Variants in TEAD1 observed in about 807,000 individuals in gnomAD.
TEAD1 encodes TEA domain transcription factor 1, also known as transcriptional enhancer factor TEF-1.
A neutral mutation model predicts 54.9 loss-of-function variants in TEAD1; 9 were observed. That is an observed-to-expected ratio of 0.16 (90% CI 0.10 to 0.29). The LOEUF (loss-of-function observed/expected upper bound fraction) is 0.29, where lower values mean the gene tolerates loss of function less well. TEAD1 is among the 10% of genes least tolerant of loss of function. TEAD1 has a pLI of 1.00. For synonymous variants in TEAD1, 200 were observed against 187.8 expected, an observed-to-expected ratio of 1.07 and a Z score of -0.53; for missense variants, 387 against 535.9, an observed-to-expected ratio of 0.72 and a Z score of 2.74.
chr11:12,835,376 T>A (rs1489094378), intron 3 of TEAD1, among the ~76,000 whole-genome samples: 2 of 152,134 alleles, frequency 1.3e-5, no homozygotes, highest in African/African-American at 4.8e-5. Flanking sequence ...GGAGTGTTGC[T>A]CCGTCACCCA....
intron 3 of TEAD1, among the ~76,000 whole-genome samples, chr11:12,795,294 T>C (rs907627370): frequency 2.0e-5 from 3 of 152,210 alleles, no homozygotes; most frequent in African/African-American, 7.2e-5. Context: ...AATTGTCATA[T>C]TGAACTAAGG....
chr11:12,690,784 C>G (rs956686713), intron 2 of TEAD1, among the ~76,000 whole-genome samples: 9 of 152,198 alleles, frequency 5.9e-5, no homozygotes, highest in African/African-American at 2.2e-4. Context: ...AGACAGGTCT[C>G]ACTCACTGTG....
chr11:12,934,770 C>T (rs1344115347), intron 12 of TEAD1, among the ~76,000 whole-genome samples: 1 of 152,054 alleles, frequency 6.6e-6, no homozygotes, highest in Non-Finnish European at 1.5e-5. Context: ...TTCAGCTAAG[C>T]TGTGAGAGAT....
At chr11:12,891,638 G>T (rs1468288103) in intron 9 of TEAD1, among the ~76,000 whole-genome samples, 2 of 152,176 alleles carry the variant, frequency 1.3e-5, no homozygotes, top group Admixed American at 6.5e-5. Context: ...CTCAAAATAA[G>T]CTTGTTGAAA....
chr11:12,698,238 C>T (rs758015937), intron 2 of TEAD1, among the ~76,000 whole-genome samples: 1 of 152,016 alleles, frequency 6.6e-6, no homozygotes. Flanking sequence ...GGAGCCTTGC[C>T]GTGAAGCCAT....
At position 12,808,484 on chromosome 11, in the gene TEAD1, T is replaced by C. The variant is rs548034455; in HGVS notation, c.202+44050T>C. Among the ~76,000 whole-genome samples the C allele has an allele frequency of 5.8e-4, 89 of 152,236 alleles. 1 individual carries two copies. The highest frequency in any genetic ancestry group is 2.1e-3 in the African/African-American group (88 of 41,550). Reference sequence around the variant, plus strand: ...TCTTCGCTAAGCCTCAGTTTTTTTGTTTTTGTTTTTTTCCCTTGCAAAAAT... The same window carrying C: ...TCTTCGCTAAGCCTCAGTTTTTTTGCTTTTGTTTTTTTCCCTTGCAAAAAT... On this transcript the variant is annotated intron_variant, in intron 3 of 12. Coordinates refer to ENST00000527636, the MANE Select transcript of TEAD1 (RefSeq NM_021961.6).
intron 2 of TEAD1, among the ~76,000 whole-genome samples, chr11:12,735,991 A>G (rs755264147): frequency 5.9e-5 from 9 of 152,230 alleles, no homozygotes; most frequent in Non-Finnish European, 1.3e-4. Flanking sequence ...GAACTAGTAC[A>G]TAATAGGCCA....
intron 10 of TEAD1, among the ~76,000 whole-genome samples, chr11:12,920,116 G>A (rs1434615017): frequency 6.6e-6 from 1 of 152,116 alleles, no homozygotes; most frequent in African/African-American, 2.4e-5. Flanking sequence ...TTAAATAACT[G>A]AAGTAGAGTG....
intron 5 of TEAD1, among the ~76,000 whole-genome samples, chr11:12,865,817 T>C (rs1947604790): frequency 6.6e-6 from 1 of 152,256 alleles, no homozygotes; most frequent in Non-Finnish European, 1.5e-5. Flanking sequence ...AGCTTTCGTT[T>C]ATAATAAAAA....
At chr11:12,781,894 C>T (rs1270133929) in intron 3 of TEAD1, among the ~76,000 whole-genome samples, 4 of 128,446 alleles carry the variant, frequency 3.1e-5, no homozygotes, top group Non-Finnish European at 4.7e-5. Flanking sequence ...GTGGGCAGAT[C>T]GTGTGAGTCT....
chr11:12,804,930 C>T (rs1946136875), intron 3 of TEAD1, among the ~76,000 whole-genome samples: 1 of 152,154 alleles, frequency 6.6e-6, no homozygotes, highest in Non-Finnish European at 1.5e-5. Flanking sequence ...AGTATTTGCC[C>T]TGACTTAGAA....
intron 3 of TEAD1, among the ~76,000 whole-genome samples, chr11:12,811,155 G>A (rs1466166506): frequency 1.3e-5 from 2 of 152,232 alleles, no homozygotes; most frequent in African/African-American, 4.8e-5. Context: ...GTCACATCCA[G>A]TGAGATAGAG....
At position 12,883,556 on chromosome 11, in the gene TEAD1, G is replaced by A. The variant is rs115164223; in HGVS notation, c.699+431G>A. Among the ~76,000 whole-genome samples, 1,321 of 152,252 alleles carry A rather than the reference G, an allele frequency of 8.7e-3. 20 individuals carry two copies. The highest frequency in any genetic ancestry group is 0.03 in the African/African-American group (1,263 of 41,558). On this transcript the variant is annotated intron_variant, in intron 9 of 12. Transcript: ENST00000527636. ...ACTGACAAATGAGGAAACAGAGAGC[G>A]TAAGTAACTTTCCCAGAGTCACACA...
In TEAD1 at chr11:12,793,912, C is replaced by G. The variant is rs987302792; in HGVS notation, c.202+29478C>G. On this transcript the variant is annotated intron_variant, in intron 3 of 12. Transcript: ENST00000527636. The stretch of plus-strand genomic sequence containing the variant: ...GGAGAAGTCAGAGCATGGGATATCC[C>G]TTGAGAGTATATGTGAAATGCATTA... Among the ~76,000 whole-genome samples the G allele has an allele frequency of 7.2e-5, 11 of 152,164 alleles. No individual in the cohort carries two copies. The East Asian group carries it at 1.9e-3, about 27-fold the overall frequency.
intron 9 of TEAD1, among the ~76,000 whole-genome samples, chr11:12,894,123 C>T (rs2134117398): frequency 6.6e-6 from 1 of 152,222 alleles, no homozygotes; most frequent in Admixed American, 6.5e-5. Context: ...AGTTATTTGT[C>T]TTGATTTCTT....
At chr11:12,788,139 CTTTTTT>C (rs541990107) in intron 3 of TEAD1, among the ~76,000 whole-genome samples, 1 of 129,294 alleles carries the variant, frequency 7.7e-6, no homozygotes, top group East Asian at 2.2e-4. Context: ...CTAATTTTGT[CTTTTTT>C]TTTTTTTTTT....
chr11:12,719,720 GGGTAGGGGTATTA>G (rs1944143390), intron 2 of TEAD1, among the ~76,000 whole-genome samples: 1 of 152,038 alleles, frequency 6.6e-6, no homozygotes, highest in African/African-American at 2.4e-5. Context: ...GTTGGACATG[GGGTAGGGGTATTA>G]GGATATTGGT....
intron 2 of TEAD1, among the ~76,000 whole-genome samples, chr11:12,763,807 T>G (rs115850848): frequency 0.014 from 2,106 of 152,316 alleles, 46 homozygotes; most frequent in African/African-American, 0.048. Flanking sequence ...TATGAATCAC[T>G]GCAAACTTGC....
chr11:12,819,404 T>G (rs984707683), intron 3 of TEAD1, among the ~76,000 whole-genome samples: 3 of 151,560 alleles, frequency 2.0e-5, no homozygotes, highest in African/African-American at 7.2e-5. Context: ...CATTTATGCC[T>G]TATGCACTTG....
Sources: allele counts gnomAD v4.1 joint callset (sites outside exome capture counted in the v4.1 genomes callset), GRCh38; gene constraint gnomAD v4.1.1; transcripts MANE v1.5; gene names NCBI Gene and HGNC (gene_info 2026-07-23, HGNC 2026-07-21).